The following TMC1 variants were observed in gnomAD, a reference collection of about 807,000 sequenced individuals.
The protein encoded by TMC1 is transmembrane channel-like protein 1.
TMC1 carries 84 observed loss-of-function variants against 105.8 expected under a neutral mutation model. The observed-to-expected ratio is 0.79, with a 90% CI of 0.67 to 0.95. The LOEUF (loss-of-function observed/expected upper bound fraction) is 0.95. Ranked by LOEUF, TMC1 falls within the 40% of genes least tolerant of loss-of-function variation. The pLI, the probability that TMC1 is intolerant of heterozygous loss-of-function variation, is 0.00. For synonymous variants in TMC1, 315 were observed against 311.5 expected (o/e 1.01, Z -0.12); for missense variants, 817 against 914.1 (o/e 0.89, Z 1.37).
At chr9:72,649,055 T>C (rs1825759867) in intron 5 of TMC1, among the ~76,000 whole-genome samples, 1 of 152,198 alleles carries the variant, frequency 6.6e-6, no homozygotes, top group Admixed American at 6.5e-5. Context: ...TGTGTTCTGC[T>C]TCCGTTTATG....
chr9:72,753,730 G>A (rs943115666), intron 11 of TMC1, among the ~76,000 whole-genome samples: 1 of 152,140 alleles, frequency 6.6e-6, no homozygotes, highest in Non-Finnish European at 1.5e-5. Flanking sequence ...TGGCAGCAAC[G>A]CTGTATTTTT....
intron 5 of TMC1, among the ~76,000 whole-genome samples, chr9:72,684,762 A>G (rs891736803): frequency 1.3e-5 from 2 of 152,124 alleles, no homozygotes; most frequent in African/African-American, 2.4e-5. Flanking sequence ...TTCTCCCTAC[A>G]GTCTTCCATC....
At chr9:72,684,724 T>C (rs935849208) in intron 5 of TMC1, among the ~76,000 whole-genome samples, 1 of 152,216 alleles carries the variant, frequency 6.6e-6, no homozygotes, top group African/African-American at 2.4e-5. Flanking sequence ...ATTAAAGTCC[T>C]GATCTTTAAC....
chr9:72,789,028 T>C, intron 14 of TMC1, 95 bp from the exon 15 acceptor site: 1 of 1,237,314 alleles, frequency 8.1e-7, no homozygotes, highest in South Asian at 1.3e-5. Flanking sequence ...TTCTGATGAT[T>C]GTAAAAATAA....
intron 8 of TMC1, among the ~76,000 whole-genome samples, chr9:72,703,858 C>T (rs572880264): frequency 6.6e-6 from 1 of 152,324 alleles, no homozygotes; most frequent in Non-Finnish European, 1.5e-5. Flanking sequence ...CCTATGGGTT[C>T]CAGCTGGTGC....
At chr9:72,529,097 C>T (rs1823453389) in intron 1 of TMC1, among the ~76,000 whole-genome samples, 1 of 137,174 alleles carries the variant, frequency 7.3e-6, no homozygotes. Flanking sequence ...AATACTACAC[C>T]ATTTTTTTTT....
At position 72,838,142 on chromosome 9, in the gene TMC1, C is replaced by T. The variant is rs1829153922; in HGVS notation, c.*2169C>T. On this transcript the variant is annotated 3_prime_UTR_variant, in exon 24 of 24. Transcript: ENST00000297784. ...AATTAAATTGAATCAATTTAACTTA[C>T]AGCAATTGTGTTATGAGACAAAAAC... 1.3e-5 allele frequency: 2 copies of T among 152,206 alleles called. No individual in the cohort carries two copies. Among genetic ancestry groups the T allele is most frequent in the African/African-American group, 4.8e-5 (2 of 41,456 alleles). The allele number at this position is 152,206 out of a possible 1,614,324, so 9.4% of individuals were successfully genotyped here.
intron 1 of TMC1, among the ~76,000 whole-genome samples, chr9:72,545,132 A>G (rs1169651176): frequency 7.8e-6 from 1 of 128,782 alleles, no homozygotes; most frequent in Non-Finnish European, 1.5e-5. Flanking sequence ...TTCATGATAT[A>G]TATATACACA....
At chr9:72,778,714 G>A (rs766022960) in intron 13 of TMC1, among the ~76,000 whole-genome samples, 3 of 152,168 alleles carry the variant, frequency 2.0e-5, no homozygotes, top group Non-Finnish European at 4.4e-5. Context: ...CATGGAATGA[G>A]GCCATTCTGA....
intron 2 of TMC1, among the ~76,000 whole-genome samples, chr9:72,599,133 C>T (rs1309181661): frequency 1.3e-5 from 2 of 152,074 alleles, no homozygotes; most frequent in Admixed American, 6.6e-5. Context: ...TGGGTTCAAG[C>T]GATTCTCATG....
intron 2 of TMC1, among the ~76,000 whole-genome samples, chr9:72,612,002 C>T (rs1825034517): frequency 6.6e-6 from 1 of 152,108 alleles, no homozygotes; most frequent in Non-Finnish European, 1.5e-5. Flanking sequence ...TATCAGTGGG[C>T]TGCTTTGCCC....
At chr9:72,758,942 C>G (rs1827712089) in intron 12 of TMC1, among the ~76,000 whole-genome samples, 1 of 151,886 alleles carries the variant, frequency 6.6e-6, no homozygotes, top group Non-Finnish European at 1.5e-5. Context: ...CTACTTGTTT[C>G]AGTATGCATC....
At chr9:72,639,372 T>C (rs1281384821) in intron 4 of TMC1, among the ~76,000 whole-genome samples, 1 of 152,182 alleles carries the variant, frequency 6.6e-6, no homozygotes, top group Non-Finnish European at 1.5e-5. Context: ...ACACAATTAA[T>C]AAATATAAGA....
chr9:72,547,908 A>G (rs892536287), intron 1 of TMC1, among the ~76,000 whole-genome samples: 1 of 152,196 alleles, frequency 6.6e-6, no homozygotes, highest in African/African-American at 2.4e-5. Context: ...GAAGTCCAAG[A>G]TCTGGTATCT....
intron 5 of TMC1, among the ~76,000 whole-genome samples, chr9:72,652,513 G>A (rs886478416): frequency 6.6e-6 from 1 of 152,172 alleles, no homozygotes; most frequent in Non-Finnish European, 1.5e-5. Context: ...CCAGCGAGAT[G>A]AGAGGAGAAG....
At chr9:72,544,432 C>A (rs548183535) in intron 1 of TMC1, among the ~76,000 whole-genome samples, 1 of 151,898 alleles carries the variant, frequency 6.6e-6, no homozygotes, top group South Asian at 2.1e-4. Flanking sequence ...GCTGCTTCTT[C>A]CAGGTGGACT....
chr9:72,807,422 T>C (rs1828623593), intron 18 of TMC1, among the ~76,000 whole-genome samples: 2 of 152,236 alleles, frequency 1.3e-5, no homozygotes, highest in Admixed American at 1.3e-4. Flanking sequence ...ACATTTATAA[T>C]GCAGAGAAGT....
chr9:72,711,923 T>A (rs1826844233), intron 8 of TMC1, among the ~76,000 whole-genome samples: 1 of 152,200 alleles, frequency 6.6e-6, no homozygotes, highest in Admixed American at 6.5e-5. Flanking sequence ...AAGTCTTTAA[T>A]ACATCTTGAG....
chr9:72,774,477 T>C (rs1827977927), intron 13 of TMC1, among the ~76,000 whole-genome samples: 2 of 152,212 alleles, frequency 1.3e-5, no homozygotes, highest in South Asian at 4.1e-4. Flanking sequence ...AATTGTTCAG[T>C]AGCCAGATGT....
Sources: gnomAD v4.1 joint callset for allele counts (sites outside exome capture counted in the v4.1 genomes callset) on GRCh38, gnomAD v4.1.1 for gene constraint, MANE v1.5 for transcripts, NCBI Gene and HGNC (gene_info 2026-07-23, HGNC 2026-07-21) for gene names.